Variants in BMPR1B observed in about 807,000 individuals in gnomAD.
BMPR1B encodes bone morphogenetic protein receptor type-1B.
A neutral mutation model predicts 59.1 loss-of-function variants in BMPR1B; 12 were observed. The ratio of observed to expected loss-of-function variants is 0.20; its 90% CI spans 0.13 to 0.33. The LOEUF is 0.33. Among genes scored for constraint, BMPR1B ranks in the 10% least tolerant of loss-of-function variants. BMPR1B has a pLI of 1.00. For missense variants in BMPR1B, 550 were observed against 610.9 expected (o/e 0.90, Z 1.05); for synonymous variants, 237 against 207.3 (o/e 1.14, Z -1.23).
intron 3 of BMPR1B, among the ~76,000 whole-genome samples, chr4:95,069,045 T>C (rs1728074115): frequency 6.6e-6 from 1 of 152,230 alleles, no homozygotes; most frequent in Non-Finnish European, 1.5e-5. Context: ...GAAATGACAT[T>C]ATTTTGCTGA....
intron 1 of BMPR1B, among the ~76,000 whole-genome samples, chr4:94,826,864 A>G (rs777891924): frequency 5.9e-5 from 9 of 152,212 alleles, no homozygotes; most frequent in Non-Finnish European, 1.0e-4. Context: ...AGTTTTGCCA[A>G]TAAAATGTAG....
At chr4:94,900,504 A>G (rs17429252) in intron 2 of BMPR1B, among the ~76,000 whole-genome samples, 21,312 of 152,020 alleles carry the variant, frequency 0.14, 1,689 homozygotes, top group South Asian at 0.19. Flanking sequence ...TTCAATGCCT[A>G]GTCTCAGCTA....
intron 1 of BMPR1B, among the ~76,000 whole-genome samples, chr4:94,761,899 G>A (rs1328105969): frequency 6.6e-6 from 1 of 152,120 alleles, no homozygotes; most frequent in Non-Finnish European, 1.5e-5. Context: ...GGAAAGGAGG[G>A]GTTGCGGCTA....
chr4:94,841,553 G>C (rs1415120290), intron 1 of BMPR1B, among the ~76,000 whole-genome samples: 1 of 151,606 alleles, frequency 6.6e-6, no homozygotes, highest in African/African-American at 2.4e-5. Flanking sequence ...CCCTTTCTTT[G>C]ACTAGGAAAG....
At chr4:94,916,161 C>T (rs1388629176) in intron 2 of BMPR1B, among the ~76,000 whole-genome samples, 1 of 152,126 alleles carries the variant, frequency 6.6e-6, no homozygotes, top group African/African-American at 2.4e-5. Context: ...AATACAGGAA[C>T]AACCCAATAC....
chr4:94,761,985 G>A (rs1007812002), intron 1 of BMPR1B, among the ~76,000 whole-genome samples: 1 of 152,146 alleles, frequency 6.6e-6, no homozygotes, highest in Non-Finnish European at 1.5e-5. Flanking sequence ...TAGGCATAGA[G>A]TACAGAGAGA....
At chr4:94,989,614 A>G (rs1045448566) in intron 2 of BMPR1B, among the ~76,000 whole-genome samples, 2 of 152,108 alleles carry the variant, frequency 1.3e-5, no homozygotes, top group African/African-American at 2.4e-5. Flanking sequence ...TTGCAATTGA[A>G]TTTTTTTCCC....
At chr4:95,121,069 A>G (rs1732488367) in intron 6 of BMPR1B, among the ~76,000 whole-genome samples, 1 of 152,150 alleles carries the variant, frequency 6.6e-6, no homozygotes, top group Non-Finnish European at 1.5e-5. Context: ...TGGCTTCCCA[A>G]ACTGCTGGGA....
chr4:94,762,819 G>A (rs1033945490), intron 1 of BMPR1B, among the ~76,000 whole-genome samples: 6 of 151,706 alleles, frequency 4.0e-5, no homozygotes, highest in African/African-American at 1.2e-4. Flanking sequence ...TGTTCTTATC[G>A]TGGAATAGAA....
At chr4:94,891,480 C>T (rs537897758) in intron 2 of BMPR1B, among the ~76,000 whole-genome samples, 2 of 152,068 alleles carry the variant, frequency 1.3e-5, no homozygotes, top group East Asian at 3.9e-4. Context: ...AAAGTAAAAA[C>T]TTAAGAAGTA....
chr4:94,941,035 TG>T (rs1275553317), intron 2 of BMPR1B, among the ~76,000 whole-genome samples: 1 of 152,238 alleles, frequency 6.6e-6, no homozygotes, highest in African/African-American at 2.4e-5. Flanking sequence ...TTTTATTGTT[TG>T]GTAAAACAGC....
intron 4 of BMPR1B, among the ~76,000 whole-genome samples, chr4:95,105,336 G>A (rs1189102289): frequency 6.6e-6 from 1 of 152,018 alleles, no homozygotes; most frequent in Non-Finnish European, 1.5e-5. Context: ...TGTCAGAGAA[G>A]CAGAGTGTGC....
intron 2 of BMPR1B, among the ~76,000 whole-genome samples, chr4:94,892,297 C>G (rs1420630563): frequency 2.6e-5 from 4 of 152,038 alleles, no homozygotes; most frequent in African/African-American, 9.7e-5. Context: ...ACTGGAAATG[C>G]ACGTTTCACC....
intron 2 of BMPR1B, among the ~76,000 whole-genome samples, chr4:94,993,001 A>G (rs946542614): frequency 1.3e-5 from 2 of 152,160 alleles, no homozygotes; most frequent in South Asian, 4.1e-4. Flanking sequence ...CTCTCACATC[A>G]GCTGGGACTA....
chr4:94,877,246 C>T (rs192142333), intron 2 of BMPR1B, among the ~76,000 whole-genome samples: 101 of 152,296 alleles, frequency 6.6e-4, no homozygotes, highest in African/African-American at 2.3e-3. Flanking sequence ...GTTGCTGTCT[C>T]TTTCCAAAGG....
Position 94,985,379 on chromosome 4 carries a change from T to C in BMPR1B, c.-112-10661T>C, listed in dbSNP as rs543868434. Among the ~76,000 whole-genome samples, 9 of 152,188 alleles carry C rather than the reference T, an allele frequency of 5.9e-5. No individual in the cohort carries two copies. The South Asian group carries it at 1.2e-3, about 21-fold the overall frequency. On this transcript the variant is annotated intron_variant, in intron 2 of 12. Coordinates refer to ENST00000515059, the MANE Select transcript of BMPR1B (RefSeq NM_001203.3). ...CAAGCTCCAGAGATTCAGAATATAC[T>C]CAAGAATCTCGAGTAGATAGTAACT...
intron 1 of BMPR1B, among the ~76,000 whole-genome samples, chr4:94,801,443 G>A (rs1174587903): frequency 2.0e-5 from 3 of 152,106 alleles, no homozygotes; most frequent in Non-Finnish European, 4.4e-5. Flanking sequence ...AGAAATCACC[G>A]TCACTGCACA....
At chr4:94,877,514 G>A (rs1726777826) in intron 2 of BMPR1B, among the ~76,000 whole-genome samples, 1 of 152,206 alleles carries the variant, frequency 6.6e-6, no homozygotes, top group Non-Finnish European at 1.5e-5. Flanking sequence ...CTGTGCACTA[G>A]GCTCTGCAAA....
At position 95,030,284 on chromosome 4, in the gene BMPR1B, A is replaced by G. The variant is rs564571078; in HGVS notation, c.-18+34150A>G. 2.5e-3 allele frequency among the ~76,000 whole-genome samples: 385 copies of G among 152,188 alleles called. 1 individual carries two copies. The highest frequency in any genetic ancestry group is 8.7e-3 in the African/African-American group (362 of 41,534). On this transcript the variant is annotated intron_variant, in intron 3 of 12. Transcript: ENST00000515059. Reference sequence around the variant, plus strand: ...TTAAGTCTTTAATACATCTTGAATTAATTTTTGTATAAGGTGTAAGGAAGG... The same window carrying G: ...TTAAGTCTTTAATACATCTTGAATTGATTTTTGTATAAGGTGTAAGGAAGG...
Sources: allele counts gnomAD v4.1 joint callset (sites outside exome capture counted in the v4.1 genomes callset), GRCh38; gene constraint gnomAD v4.1.1; transcripts MANE v1.5; gene names NCBI Gene and HGNC (gene_info 2026-07-23, HGNC 2026-07-21).